C11orf65: variants seen among roughly 807,000 people sequenced by gnomAD.
C11orf65 encodes the protein protein MFI.
A neutral mutation model predicts 35.3 loss-of-function variants in C11orf65; 38 were observed. The ratio of observed to expected loss-of-function variants is 1.08; its 90% confidence interval spans 0.83 to 1.41. C11orf65 has a LOEUF of 1.41. Ranked by LOEUF, C11orf65 falls within the 40% of genes most tolerant of loss-of-function variation. The pLI is 0.00. For missense variants in C11orf65, 370 were observed against 367.1 expected (o/e 1.01, Z -0.06); for synonymous variants, 105 against 114.4 (o/e 0.92, Z 0.53).
In C11orf65 at chr11:108,332,031, T is replaced by A. The variant is rs905474729; in HGVS notation, c.300-464A>T. 1 of 1,613,788 alleles carries A rather than the reference T, an allele frequency of 6.2e-7. No homozygotes were observed. Among genetic ancestry groups the A allele is most frequent in the Non-Finnish European group, 8.5e-7 (1 of 1,179,840 alleles). ...ATGTGCCTAAACAAAGCTCTCAGCT[T>A]GATGAGGTATTTGGATTAAACATAC... On this transcript the variant is annotated intron_variant, in intron 3 of 3. Transcript: ENST00000524755.
rs533039159 is a variant in C11orf65, at chr11:108,411,539, AT to A, written c.175-4391del. On this transcript the variant is annotated intron_variant, in intron 3 of 8. Transcript: ENST00000393084. Reference sequence around the variant, plus strand: ...TTAAAATCTACAATATCTGTACTAAATTTTTTTGTGTGCTTGTTTCTATCAG... The same window carrying A: ...TTAAAATCTACAATATCTGTACTAAATTTTTTGTGTGCTTGTTTCTATCAG... Among the ~76,000 whole-genome samples the A allele has an allele frequency of 8.5e-5, 13 of 152,222 alleles. No individual in the cohort carries two copies. In the East Asian group the frequency reaches 2.5e-3, roughly 29 times the overall value.
intron 2 of C11orf65, among the ~76,000 whole-genome samples, chr11:108,374,239 C>A (rs527919838): frequency 1.3e-5 from 2 of 152,316 alleles, no homozygotes; most frequent in South Asian, 4.1e-4. Flanking sequence ...AGGCACCCCC[C>A]AGTGGGGCAG....
chr11:108,342,927 G>A (rs925015854), intron 2 of C11orf65, among the ~76,000 whole-genome samples: 1 of 152,178 alleles, frequency 6.6e-6, no homozygotes, highest in African/African-American at 2.4e-5. Flanking sequence ...AACTAAGTAT[G>A]GATTAATGAC....
downstream of C11orf65, among the ~76,000 whole-genome samples, chr11:108,379,663 A>T (rs75424848): frequency 9.1e-3 from 1,376 of 151,944 alleles, 17 homozygotes; most frequent in African/African-American, 0.031. Context: ...AGGAAAATCC[A>T]TAGCTCCTGG....
intron 2 of C11orf65, chr11:108,367,985 T>G: frequency 4.9e-6 from 1 of 205,380 alleles, no homozygotes; most frequent in Non-Finnish European, 1.0e-5. Flanking sequence ...AACTAGATAA[T>G]AGTATAGATA....
chr11:108,392,545 T>C (rs916684180), intron 7 of C11orf65, among the ~76,000 whole-genome samples: 2 of 152,178 alleles, frequency 1.3e-5, no homozygotes, highest in East Asian at 3.8e-4. Flanking sequence ...AGCTGCTGGA[T>C]CACATGTCAG....
rs555394689 is a variant in C11orf65 at position 108,313,659 on chromosome 11, C to T, written c.641-4588G>A. 3.3e-5 allele frequency among the ~76,000 whole-genome samples: 5 copies of T among 152,254 alleles called. No homozygotes were observed. The South Asian group carries it at 6.2e-4, about 19-fold the overall frequency. ...CCTCTCTACTGAGTTTTTGGAATATCGTGTGTGTACTAAGCACTGTGCTAA... is the reference window on the plus strand; with the variant it reads ...CCTCTCTACTGAGTTTTTGGAATATTGTGTGTGTACTAAGCACTGTGCTAA... On this transcript the variant is annotated intron_variant, in intron 6 of 6. Transcript: ENST00000525729.
At chr11:108,322,363 A>G (rs1463521227) in intron 6 of C11orf65, among the ~76,000 whole-genome samples, 1 of 152,162 alleles carries the variant, frequency 6.6e-6, no homozygotes, top group Non-Finnish European at 1.5e-5. Context: ...CTTGTTGGTC[A>G]GCCTGGCCTC....
At chr11:108,379,331 C>T (rs1476744083), downstream of C11orf65, among the ~76,000 whole-genome samples, 1 of 152,058 alleles carries the variant, frequency 6.6e-6, no homozygotes, top group Non-Finnish European at 1.5e-5. Context: ...TTTGTAGGGA[C>T]ATGGATGAAA....
intron 2 of C11orf65, among the ~76,000 whole-genome samples, chr11:108,443,395 T>C (rs897980392): frequency 3.3e-4 from 50 of 152,244 alleles, no homozygotes; most frequent in African/African-American, 1.2e-3. Context: ...AACACCCCAC[T>C]GTCAACATGA....
At chr11:108,461,095 C>T (rs1338931595) in intron 2 of C11orf65, among the ~76,000 whole-genome samples, 1 of 151,484 alleles carries the variant, frequency 6.6e-6, no homozygotes, top group African/African-American at 2.4e-5. Context: ...CTGAATTGTA[C>T]ACTTTATATA....
rs551408889 is a variant in C11orf65, at chr11:108,320,000, C to G, written c.641-10929G>C. On this transcript the variant is annotated intron_variant, in intron 6 of 6. Coordinates refer to the C11orf65 transcript ENST00000525729. ...TTACCATGAATCATTGTACAATGCT[C>G]TACAATCTCTAAGAGACAGAGAATT... 1 of 1,612,672 alleles carries G rather than the reference C, an allele frequency of 6.2e-7. No homozygotes were observed. The highest frequency in any genetic ancestry group is 8.5e-7 in the Non-Finnish European group (1 of 1,178,910).
rs762251357 is a variant in C11orf65 at position 108,317,367 on chromosome 11, GT to G, written c.641-8297del. On this transcript the variant is annotated intron_variant, in intron 6 of 6. Coordinates refer to the C11orf65 transcript ENST00000525729. ...TTAACTTAAAAACAAAATAACTCCT[GT>G]TTAGGCCTTGCAGAATTTGGGACTC... is the stretch of plus-strand genomic sequence containing the variant. 2 of 1,609,696 alleles carry G rather than the reference GT, an allele frequency of 1.2e-6. No homozygotes were observed. Among genetic ancestry groups the G allele is most frequent in the Admixed American group, 3.3e-5 (2 of 59,866 alleles).
chr11:108,386,767 A>G (rs937787164), intron 7 of C11orf65, among the ~76,000 whole-genome samples: 1 of 152,190 alleles, frequency 6.6e-6, no homozygotes, highest in African/African-American at 2.4e-5. Flanking sequence ...GAGCTAGCAC[A>G]GAGAGGTGGA....
chr11:108,313,352 C>G (rs1237828717), intron 6 of C11orf65, among the ~76,000 whole-genome samples: 1 of 152,038 alleles, frequency 6.6e-6, no homozygotes, highest in Non-Finnish European at 1.5e-5. Context: ...ATCACCCTCT[C>G]TCTTCCTTCC....
At chr11:108,313,488 G>A (rs4988076) in intron 6 of C11orf65, among the ~76,000 whole-genome samples, 22 of 152,032 alleles carry the variant, frequency 1.4e-4, no homozygotes, top group Non-Finnish European at 3.1e-4. Flanking sequence ...TAAGTCTGGT[G>A]GTCACCTTTC....
intron 2 of C11orf65, among the ~76,000 whole-genome samples, chr11:108,433,924 T>C (rs1228699652): frequency 6.6e-6 from 1 of 152,126 alleles, no homozygotes; most frequent in Non-Finnish European, 1.5e-5. Flanking sequence ...TGGATGGTGA[T>C]TGATGGATGG....
At position 108,321,480 on chromosome 11, in the gene C11orf65, C is replaced by CT. The variant is rs997460250; in HGVS notation, c.641-12410dup. The stretch of plus-strand genomic sequence containing the variant: ...GCAGCTTTTCTGTTACCAATAGTGA[C>CT]TTTAAAAAATAAAAACTATAGGCCG... On this transcript the variant is annotated intron_variant, in intron 6 of 6. Coordinates refer to the C11orf65 transcript ENST00000525729. The CT allele has an allele frequency of 3.7e-6, 6 of 1,610,942 alleles. No homozygotes were observed. In the African/African-American group the frequency reaches 6.7e-5, roughly 18 times the overall value.
chr11:108,358,099 A>C (rs1392001435), intron 2 of C11orf65, among the ~76,000 whole-genome samples: 1 of 151,106 alleles, frequency 6.6e-6, no homozygotes, highest in Admixed American at 6.6e-5. Context: ...GAAGTGCTTA[A>C]AGGAGCTGAT....
Sources: gnomAD v4.1 joint callset for allele counts (sites outside exome capture counted in the v4.1 genomes callset) on GRCh38, gnomAD v4.1.1 for gene constraint, MANE v1.5 for transcripts, NCBI Gene and HGNC (gene_info 2026-07-23, HGNC 2026-07-21) for gene names.